The following TFPI variants were observed in gnomAD, a reference collection of about 807,000 sequenced individuals.
TFPI encodes the protein anti-convertin.
A neutral mutation model predicts 34.6 loss-of-function variants in TFPI; 15 were observed. The observed-to-expected ratio is 0.43, with a 90% CI of 0.29 to 0.67. The LOEUF is 0.67. TFPI is among the 30% of genes least tolerant of loss of function. TFPI has a pLI of 0.15. For missense variants in TFPI, 301 were observed against 364.0 expected (o/e 0.83, Z 1.41); for synonymous variants, 105 against 120.1 (o/e 0.87, Z 0.82).
Position 187,465,492 on chromosome 2 carries a change from G to GAAAAAAAAAAAA in TFPI, c.*1432_*1443dup, listed in dbSNP as rs199557966. 3.0e-5 allele frequency: 2 copies of GAAAAAAAAAAAA among 67,780 alleles called. No individual in the cohort carries two copies. Among genetic ancestry groups the GAAAAAAAAAAAA allele is most frequent in the African/African-American group, 5.6e-5 (1 of 17,700 alleles). The allele number at this position is 67,780 out of a possible 1,614,324, so 4.2% of individuals were successfully genotyped here. A position where few individuals can be genotyped will look rare whatever the true frequency, so the allele number is the denominator to read the frequency against. Reference sequence around the variant, plus strand: ...AAAACATAACAAAACAAAACAAAATGAAAAAAAAAAAAAAACAAGAAAAAA... The same window carrying GAAAAAAAAAAAA: ...AAAACATAACAAAACAAAACAAAATGAAAAAAAAAAAAAAAAAAAAAAAAAAACAAGAAAAAA... On this transcript the variant is annotated 3_prime_UTR_variant, in exon 8 of 8. Transcript: ENST00000233156.
rs1259957535 is a variant in TFPI, at chr2:187,539,923, G to A, written c.-3+14277C>T. Among the ~76,000 whole-genome samples, 11 of 142,666 alleles carry A rather than the reference G, an allele frequency of 7.7e-5. 1 individual carries two copies. Among genetic ancestry groups the A allele is most frequent in the South Asian group, 4.4e-4 (2 of 4,506 alleles). The allele number at this position is 142,666 out of a possible 152,430, so 93.6% of individuals were successfully genotyped here. On this transcript the variant is annotated intron_variant, in intron 1 of 7. Transcript: ENST00000233156. Reference sequence around the variant, plus strand: ...TCTTTTTTTTTTTTTTTTTTGAGACGGAGCCTCGCTCTGTCACCAGGCTGG... The same window carrying A: ...TCTTTTTTTTTTTTTTTTTTGAGACAGAGCCTCGCTCTGTCACCAGGCTGG...
In TFPI at chr2:187,496,965, A is replaced by G. The variant is rs1436569426; in HGVS notation, c.235T>C (p.Cys79Arg). The G allele has an allele frequency of 5.0e-6, 8 of 1,613,436 alleles. No individual in the cohort carries two copies. The highest frequency in any genetic ancestry group is 6.8e-6 in the Non-Finnish European group (8 of 1,179,570). ...CATCCCCCATATATAAATTCTTCGC[A>G]CTGTCGAGTGAAAATATTGAAGAAA... ...RFFFNIFTRQCEEFIYGGCEG... is the reference protein window; with the variant it reads ...RFFFNIFTRQREEFIYGGCEG... Residue 79 changes from cysteine (C) to arginine (R), a missense_variant, in exon 3 of 8, where the codon TGC becomes CGC. Physicochemically the swap from Cys to Arg is radical, Grantham distance 180 (BLOSUM62 -3). Transcript: ENST00000233156.
intron 6 of TFPI, among the ~76,000 whole-genome samples, chr2:187,480,278 C>T (rs887401122): frequency 6.6e-6 from 1 of 151,812 alleles, no homozygotes; most frequent in African/African-American, 2.4e-5. Context: ...AATCTAAGGC[C>T]TGGTGAATTA....
At position 187,465,774 on chromosome 2, in the gene TFPI, G is replaced by T. The variant is rs976124643; in HGVS notation, c.*1162C>A. 1 of 152,036 alleles carries T rather than the reference G, an allele frequency of 6.6e-6. No individual in the cohort carries two copies. The highest frequency in any genetic ancestry group is 1.5e-5 in the Non-Finnish European group (1 of 68,012). 9.4% of individuals were successfully genotyped at this position (152,036 alleles called of 1,614,324 possible). On this transcript the variant is annotated 3_prime_UTR_variant, in exon 8 of 8. Coordinates refer to ENST00000233156, the MANE Select transcript of TFPI (RefSeq NM_006287.6). Reference sequence around the variant, plus strand: ...CTAGTCATACCAAATGAATGAAATGGTTGTTTCTAAATCAGTTCCAATTCC... The same window carrying T: ...CTAGTCATACCAAATGAATGAAATGTTTGTTTCTAAATCAGTTCCAATTCC...
rs534310607 is a variant in TFPI, at chr2:187,472,737, C to T, written c.629-4805G>A. On this transcript the variant is annotated intron_variant, in intron 6 of 7. Transcript: ENST00000233156. ...ATAAACAAAGAAAGACACGGCCAGG[C>T]GTGGTGGCTCACACCTGTAATCCCA... 2.0e-4 allele frequency among the ~76,000 whole-genome samples: 30 copies of T among 152,212 alleles called. No homozygotes were observed. The South Asian group carries it at 5.2e-3, about 26-fold the overall frequency.
intron 1 of TFPI, chr2:187,547,799 AAGTT>A (rs1385479695): frequency 6.6e-6 from 1 of 152,170 alleles, no homozygotes; most frequent in Non-Finnish European, 1.5e-5. Context: ...TTATAAAGAC[AAGTT>A]AGTCTAAATT....
Position 187,465,058 on chromosome 2 carries a change from A to G in TFPI, c.*1878T>C, listed in dbSNP as rs1457296357. The G allele has an allele frequency of 1.3e-5, 2 of 152,208 alleles. No homozygotes were observed. Among genetic ancestry groups the G allele is most frequent in the Non-Finnish European group, 2.9e-5 (2 of 68,046 alleles). 9.4% of individuals were successfully genotyped at this position (152,208 alleles called of 1,614,324 possible). On this transcript the variant is annotated 3_prime_UTR_variant, in exon 8 of 8. Transcript: ENST00000233156. ...AATCAAAGTAGTCATGAAAGAAAGT[A>G]CTGTTGGTAAATCCAAAAACATACA... is the stretch of plus-strand genomic sequence containing the variant.
chr2:187,540,846 G>A lies in TFPI; in HGVS notation c.-3+13354C>T, dbSNP rs572431454. Among the ~76,000 whole-genome samples the A allele has an allele frequency of 2.4e-4, 33 of 137,810 alleles. No homozygotes were observed. In the South Asian group the frequency reaches 5.0e-3, roughly 21 times the overall value. 90.4% of individuals were successfully genotyped at this position (137,810 alleles called of 152,430 possible). ...GTGGAGGTTGTAGTGAGCTGAGATT[G>A]TGTCACTGCACTCCAGCCTGGGTGA... On this transcript the variant is annotated intron_variant, in intron 1 of 7. Coordinates refer to ENST00000233156, the MANE Select transcript of TFPI (RefSeq NM_006287.6).
At position 187,467,895 on chromosome 2, in the gene TFPI, G is replaced by C. The variant is rs1208002100; in HGVS notation, c.666C>G (p.Asp222Glu). 1 of 1,605,438 alleles carries C rather than the reference G, an allele frequency of 6.2e-7. No individual in the cohort carries two copies. The highest frequency in any genetic ancestry group is 2.2e-5 in the East Asian group (1 of 44,532). ...HGPSWCLTPA[D>E]RGLCRANENR... ...TCTCATTGGCACGACACAATCCTCT[G>C]TCTGCTGGAGTGAGACACCATGAGG... The change falls in exon 7 of 8, where the codon GAC becomes GAG. Residue 222 changes from aspartate (D) to glutamate (E), a missense_variant. Physicochemically the swap from Asp to Glu is conservative, Grantham distance 45. Transcript: ENST00000233156.
chr2:187,533,424 G>T (rs887500934), intron 1 of TFPI, among the ~76,000 whole-genome samples: 3 of 152,094 alleles, frequency 2.0e-5, no homozygotes, highest in African/African-American at 7.2e-5. Context: ...AGGCAAACAG[G>T]GTCTGGAGTG....
At chr2:187,544,980 T>G (rs1263981810) in intron 1 of TFPI, among the ~76,000 whole-genome samples, 1 of 151,956 alleles carries the variant, frequency 6.6e-6, no homozygotes, top group Non-Finnish European at 1.5e-5. Context: ...CCGGTTGTGG[T>G]GTGCGCCTGT....
intron 1 of TFPI, among the ~76,000 whole-genome samples, chr2:187,506,904 T>A (rs1686256209): frequency 6.6e-6 from 1 of 152,098 alleles, no homozygotes; most frequent in South Asian, 2.1e-4. Context: ...CTTTCCATAC[T>A]GTTTATTTAT....
chr2:187,512,960 ATGT>A (rs993504004), intron 1 of TFPI, among the ~76,000 whole-genome samples: 1 of 152,198 alleles, frequency 6.6e-6, no homozygotes, highest in African/African-American at 2.4e-5. Flanking sequence ...TATGCAAGAA[ATGT>A]TGTATAATTT....
At chr2:187,485,510 G>A (rs1333970648) in intron 4 of TFPI, among the ~76,000 whole-genome samples, 2 of 151,672 alleles carry the variant, frequency 1.3e-5, no homozygotes, top group African/African-American at 2.4e-5. Flanking sequence ...GAATTCTTAT[G>A]CGGGAATTAA....
intron 1 of TFPI, among the ~76,000 whole-genome samples, chr2:187,537,241 T>C (rs1375149525): frequency 1.3e-5 from 2 of 152,206 alleles, no homozygotes; most frequent in Admixed American, 1.3e-4. Context: ...CAAACTACTT[T>C]AAATTTCATA....
chr2:187,537,688 C>T (rs1232067444), intron 1 of TFPI, among the ~76,000 whole-genome samples: 1 of 152,208 alleles, frequency 6.6e-6, no homozygotes, highest in African/African-American at 2.4e-5. Flanking sequence ...CCGAAGACTT[C>T]ATCACTAAAA....
intron 2 of TFPI, among the ~76,000 whole-genome samples, chr2:187,501,138 G>A (rs933986788): frequency 1.3e-5 from 2 of 152,060 alleles, no homozygotes; most frequent in Non-Finnish European, 2.9e-5. Flanking sequence ...TTATCTGCCA[G>A]CGGCCATGAG....
rs8176432 is a variant in TFPI at position 187,500,250 on chromosome 2, T to TTGTACC, written c.122-3178_122-3173dup. 8.3e-3 allele frequency among the ~76,000 whole-genome samples: 1,257 copies of TTGTACC among 152,268 alleles called. 12 individuals are homozygous for TTGTACC. The highest frequency in any genetic ancestry group is 0.028 in the African/African-American group (1,170 of 41,556). Reference sequence around the variant, plus strand: ...TACAATACCCTTGACATTTTTGTAATTGTACCCTTTAATGATCATAACCAC... The same window carrying TTGTACC: ...TACAATACCCTTGACATTTTTGTAATTGTACCTGTACCCTTTAATGATCATAACCAC... On this transcript the variant is annotated intron_variant, in intron 2 of 7. Coordinates refer to ENST00000233156, the MANE Select transcript of TFPI (RefSeq NM_006287.6).
chr2:187,466,663 G>A lies in TFPI; in HGVS notation c.*273C>T, dbSNP rs1008012028. 14 of 244,124 alleles carry A rather than the reference G, an allele frequency of 5.7e-5. No homozygotes were observed. Among genetic ancestry groups the A allele is most frequent in the African/African-American group, 1.4e-4 (6 of 42,444 alleles). The allele number at this position is 244,124 out of a possible 1,614,324, so 15.1% of individuals were successfully genotyped here. A position where few individuals can be genotyped will look rare whatever the true frequency, so the allele number is the denominator to read the frequency against. ...AAGGACTGATTTGATGTAGCCGGTAGTATGATAATTTGTAGTTAAATGAAA... is the reference window on the plus strand; with the variant it reads ...AAGGACTGATTTGATGTAGCCGGTAATATGATAATTTGTAGTTAAATGAAA... On this transcript the variant is annotated 3_prime_UTR_variant, in exon 8 of 8. Transcript: ENST00000233156.
Sources: allele counts gnomAD v4.1 joint callset (sites outside exome capture counted in the v4.1 genomes callset), GRCh38; gene constraint gnomAD v4.1.1; transcripts MANE v1.5; gene names NCBI Gene and HGNC (gene_info 2026-07-23, HGNC 2026-07-21).